BUB1B: variants seen among roughly 807,000 people sequenced by gnomAD.
BUB1B encodes mitotic checkpoint serine/threonine-protein kinase BUB1 beta.
Under a neutral mutation model 137.7 loss-of-function variants are expected in BUB1B, and 86 were observed. That is an observed-to-expected ratio of 0.62 (90% CI 0.52 to 0.75). The LOEUF is 0.75. Ranked by LOEUF, BUB1B falls within the 30% of genes least tolerant of loss-of-function variation. BUB1B has a pLI of 0.00. For missense variants in BUB1B, 1,130 were observed against 1,236.9 expected (o/e 0.91, Z 1.30); for synonymous variants, 420 against 417.9 (o/e 1.00, Z -0.06).
intron 15 of BUB1B, among the ~76,000 whole-genome samples, chr15:40,207,457 T>C (rs2037651876): frequency 6.6e-6 from 1 of 151,854 alleles, no homozygotes; most frequent in Non-Finnish European, 1.5e-5. Flanking sequence ...TGAAACTTTT[T>C]CCCTACAGGC....
chr15:40,206,688 G>A (rs147548665), intron 15 of BUB1B, among the ~76,000 whole-genome samples: 4 of 152,202 alleles, frequency 2.6e-5, no homozygotes, highest in African/African-American at 4.8e-5. Context: ...TAAGTGGTCC[G>A]AGAGGAGTAT....
intron 21 of BUB1B, 118 bp from the exon 22 acceptor site, chr15:40,218,338 G>C: frequency 1.3e-6 from 1 of 765,354 alleles, no homozygotes. Context: ...CTACTAAAAT[G>C]TATGTCATAA....
intron 18 of BUB1B, 57 bp downstream of exon 18, chr15:40,210,267 T>A: frequency 7.9e-7 from 1 of 1,270,852 alleles, no homozygotes; most frequent in East Asian, 2.3e-5. Context: ...ATTGGAGCAA[T>A]AACTGTCCTC....
intron 2 of BUB1B, among the ~76,000 whole-genome samples, chr15:40,167,133 T>C (rs2037108677): frequency 6.6e-6 from 1 of 151,438 alleles, no homozygotes; most frequent in South Asian, 2.1e-4. Context: ...ATATATGTGT[T>C]GCAAATTTTT....
chr15:40,216,565 A>AT (rs2037789610), intron 20 of BUB1B, among the ~76,000 whole-genome samples: 4 of 78,662 alleles, frequency 5.1e-5, no homozygotes, highest in South Asian at 4.0e-4. Flanking sequence ...ATATATATAT[A>AT]TATATATTTT....
intron 8 of BUB1B, among the ~76,000 whole-genome samples, chr15:40,193,201 A>G (rs983426805): frequency 9.2e-5 from 14 of 152,132 alleles, no homozygotes; most frequent in Non-Finnish European, 1.5e-4. Flanking sequence ...ATTGTATAAT[A>G]AGACTAATTT....
At chr15:40,186,469 G>A (rs1378023268) in intron 8 of BUB1B, among the ~76,000 whole-genome samples, 1 of 111,838 alleles carries the variant, frequency 8.9e-6, no homozygotes, top group Non-Finnish European at 1.6e-5. Context: ...ATGGAGTCTC[G>A]CTGTGTCGCC....
At chr15:40,208,492 C>T (rs1451569438) in intron 15 of BUB1B, 145 bp from the exon 16 acceptor site, 2 of 746,122 alleles carry the variant, frequency 2.7e-6, no homozygotes, top group African/African-American at 1.8e-5. Context: ...GAGCCAAGAT[C>T]ATGCAGTTGT....
intron 4 of BUB1B, 95 bp downstream of exon 4, chr15:40,170,776 C>T (rs919294613): frequency 3.1e-5 from 37 of 1,209,500 alleles, no homozygotes; most frequent in Non-Finnish European, 4.4e-5. Flanking sequence ...GTAAAACAGC[C>T]ATTTTGAACC....
intron 2 of BUB1B, among the ~76,000 whole-genome samples, chr15:40,167,698 A>G (rs1566815316): frequency 6.6e-6 from 1 of 151,512 alleles, no homozygotes; most frequent in Non-Finnish European, 1.5e-5. Flanking sequence ...TTTTCCTTGT[A>G]TATGGTGTGG....
intron 20 of BUB1B, among the ~76,000 whole-genome samples, chr15:40,216,561 ATATATATATATTTTT>A (rs1260538977): frequency 0.016 from 1,271 of 81,358 alleles, 22 homozygotes; most frequent in African/African-American, 0.064. Context: ...ATATATATAT[ATATATATATATTTTT>A]TTTTTTTTTT....
At chr15:40,195,018 C>T (rs8026988) in intron 8 of BUB1B, among the ~76,000 whole-genome samples, 11,970 of 152,076 alleles carry the variant, frequency 0.079, 1,540 homozygotes, top group African/African-American at 0.27. Context: ...TTTTGGGGAA[C>T]AGGTGGTGTT....
rs558597586 is a variant in BUB1B, at chr15:40,204,772, G to T, written c.1735-1412G>T. Among the ~76,000 whole-genome samples, 7 of 151,576 alleles carry T rather than the reference G, an allele frequency of 4.6e-5. No individual in the cohort carries two copies. In the South Asian group the frequency reaches 1.2e-3, roughly 27 times the overall value. On this transcript the variant is annotated intron_variant, in intron 14 of 22. Coordinates refer to ENST00000287598, the MANE Select transcript of BUB1B (RefSeq NM_001211.6). ...CCACCTCAGCCTCCCAATTAGCTGG[G>T]ACTACAGGTGTGAGCCACCATGCCT...
At position 40,185,319 on chromosome 15, in the gene BUB1B, G is replaced by A. The variant is rs547663349; in HGVS notation, c.906G>A (p.Arg302=). The A allele has an allele frequency of 8.1e-6, 13 of 1,614,108 alleles. No homozygotes were observed. Among genetic ancestry groups the A allele is most frequent in the South Asian group, 6.6e-5 (6 of 91,070 alleles). The change falls in exon 7 of 23, where the codon AGG becomes AGA. Residue 302 remains arginine (R), a synonymous_variant. Coordinates refer to ENST00000287598, the MANE Select transcript of BUB1B (RefSeq NM_001211.6). ...VQPWIAPPMP[R]AKENELQAGP... The stretch of plus-strand genomic sequence containing the variant: ...CATGGATAGCACCCCCCATGCCCAG[G>A]GCCAAAGAGAATGAGCTGCAAGCAG...
At chr15:40,209,554 T>A in intron 16 of BUB1B, 81 bp from the exon 17 acceptor site, 1 of 1,534,952 alleles carries the variant, frequency 6.5e-7, no homozygotes, top group Non-Finnish European at 9.0e-7. Context: ...ATTTTTTTTT[T>A]CTTCTACTCT....
intron 10 of BUB1B, 76 bp from the exon 11 acceptor site, chr15:40,200,167 TA>T: frequency 2.1e-6 from 2 of 975,382 alleles, no homozygotes; most frequent in Non-Finnish European, 3.2e-6. Context: ...AAGAGTACAG[TA>T]AAGCTAATGT....
At chr15:40,204,795 C>A (rs12909888) in intron 14 of BUB1B, among the ~76,000 whole-genome samples, 63,316 of 151,204 alleles carry the variant, frequency 0.42, 15,619 homozygotes, top group Non-Finnish European at 0.56. Flanking sequence ...AGCCACCATG[C>A]CTGGCTAATT....
chr15:40,210,144 A>G lies in BUB1B; in HGVS notation c.2319A>G (p.Leu773=), dbSNP rs1348233059. The G allele has an allele frequency of 6.2e-6, 10 of 1,612,460 alleles. No homozygotes were observed. The highest frequency in any genetic ancestry group is 8.5e-6 in the Non-Finnish European group (10 of 1,178,740). Residue 773 remains leucine (L), a synonymous_variant, in exon 18 of 23, where the codon CTA becomes CTG. Transcript: ENST00000287598. The stretch of plus-strand genomic sequence containing the variant: ...ATTACTGCATTAAACGAGAATACCT[A>G]ATATGTGAAGATTACAAGTTATTCT... ...NEDYCIKREY[L]ICEDYKLFWV...
intron 18 of BUB1B, 126 bp from the exon 19 acceptor site, chr15:40,212,373 A>C: frequency 1.3e-6 from 1 of 743,052 alleles, no homozygotes; most frequent in South Asian, 1.6e-5. Context: ...TTTATAGTAG[A>C]TTTATGCCTT....
Sources: allele counts gnomAD v4.1 joint callset (sites outside exome capture counted in the v4.1 genomes callset), GRCh38; gene constraint gnomAD v4.1.1; transcripts MANE v1.5; gene names NCBI Gene and HGNC (gene_info 2026-07-23, HGNC 2026-07-21).